The following ATP5F1B variants were observed in gnomAD, a reference collection of about 807,000 sequenced individuals.
ATP5F1B encodes ATP synthase F(1) complex subunit beta, mitochondrial.
Under a neutral mutation model 45.9 loss-of-function variants are expected in ATP5F1B, and 17 were observed. The observed-to-expected ratio is 0.37, with a 90% CI of 0.25 to 0.56. The LOEUF (loss-of-function observed/expected upper bound fraction) is 0.56. ATP5F1B is among the 20% of genes least tolerant of loss of function. The pLI is 0.80. For synonymous variants in ATP5F1B, 218 were observed against 256.5 expected (o/e 0.85, Z 1.43); for missense variants, 387 against 673.2 (o/e 0.57, Z 4.70).
At chr12:56,639,476 G>C in intron 8 of ATP5F1B, 169 bp from the exon 9 acceptor site, 2 of 674,556 alleles carry the variant, frequency 3.0e-6, no homozygotes, top group South Asian at 1.9e-5. Context: ...GGTGCTGTTA[G>C]AAAAATATTG....
chr12:56,638,462 G>A lies in ATP5F1B; in HGVS notation c.1490-39C>T, dbSNP rs377294722. The A allele has an allele frequency of 3.9e-4, 571 of 1,475,740 alleles. 3 individuals carry two copies. In the African/African-American group the frequency reaches 6.4e-3, roughly 16 times the overall value. 91.4% of individuals were successfully genotyped at this position (1,475,740 alleles called of 1,614,324 possible). On this transcript the variant is annotated intron_variant, in intron 9 of 9. Transcript: ENST00000262030. ...GAGAAAAAAAAAAAGAGTAAGAAGC[G>A]GAGGGATATCAACTTTCTGCATCAT...
intron 3 of ATP5F1B, 69 bp from the exon 4 acceptor site, chr12:56,644,027 C>T: frequency 1.3e-6 from 2 of 1,555,946 alleles, no homozygotes; most frequent in Non-Finnish European, 1.7e-6. Flanking sequence ...TTATATATCC[C>T]TCCCTATCAA....
chr12:56,639,182 A>C lies in ATP5F1B; in HGVS notation c.1413T>G (p.Ala471=). The change falls in exon 9 of 10, where the codon GCT becomes GCG. Residue 471 remains alanine, a synonymous_variant. Coordinates refer to ENST00000262030, the MANE Select transcript of ATP5F1B (RefSeq NM_001686.4). ...QRFLSQPFQV[A]EVFTGHMGKL... is the part of the protein sequence containing the mutation. ...TCCCCATATGACCTGTGAAGACCTC[A>C]GCAACCTGGAATGGCTGAGACAAGA... 1 of 1,613,930 alleles carries C rather than the reference A, an allele frequency of 6.2e-7. No homozygotes were observed. Among genetic ancestry groups the C allele is most frequent in the Non-Finnish European group, 8.5e-7 (1 of 1,179,842 alleles).
chr12:56,642,979 G>T, intron 5 of ATP5F1B, 148 bp from the exon 6 acceptor site: 1 of 804,224 alleles, frequency 1.2e-6, no homozygotes, highest in Non-Finnish European at 1.9e-6. Context: ...TATTAGAGAT[G>T]CAGTTCAAAA....
chr12:56,642,360 C>T, intron 7 of ATP5F1B, 98 bp downstream of exon 7: 1 of 1,533,076 alleles, frequency 6.5e-7, no homozygotes, highest in Non-Finnish European at 8.9e-7. Flanking sequence ...CTCTTGGGCT[C>T]AAGCAATCTT....
intron 7 of ATP5F1B, among the ~76,000 whole-genome samples, chr12:56,640,480 G>A (rs1951503832): frequency 6.6e-6 from 1 of 151,940 alleles, no homozygotes; most frequent in Non-Finnish European, 1.5e-5. Context: ...CACCCGCCTT[G>A]GCCTCCCAAA....
intron 1 of ATP5F1B, 118 bp downstream of exon 1, chr12:56,645,719 G>T: frequency 6.6e-7 from 1 of 1,514,282 alleles, no homozygotes; most frequent in Non-Finnish European, 9.0e-7. Flanking sequence ...AGAGCAAGAC[G>T]CGGCTCCAGG....
In ATP5F1B at chr12:56,645,181, G is replaced by A; in HGVS notation, c.300C>T (p.Ala100=). The A allele has an allele frequency of 6.2e-7, 1 of 1,614,024 alleles. No homozygotes were observed. The highest frequency in any genetic ancestry group is 2.2e-5 in the East Asian group (1 of 44,886). The change falls in exon 2 of 10, where the codon GCC becomes GCT. Residue 100 remains alanine, a synonymous_variant. Transcript: ENST00000262030. ...GRETRLVLEV[A]QHLGESTVRT... ...ACAAACTCTACTTACCCAAATGCTG[G>A]GCCACCTCCAAAACCAGTCTGGTCT...
rs1169561253 is a variant in ATP5F1B, at chr12:56,639,258, A to G, written c.1337T>C (p.Leu446Pro). The G allele has an allele frequency of 6.2e-7, 1 of 1,613,988 alleles. No individual in the cohort carries two copies. Among genetic ancestry groups the G allele is most frequent in the Non-Finnish European group, 8.5e-7 (1 of 1,180,056 alleles). Residue 446 changes from leucine to proline, a missense_variant, in exon 9 of 10, where the codon CTT becomes CCT. By Grantham distance (98) the Leu-to-Pro change is moderately conservative (BLOSUM62 -3). This residue lies in a region of ATP5F1B where 154 missense variants were observed against 361.4 expected (regional missense o/e 0.43). Transcript: ENST00000262030. The stretch of plus-strand genomic sequence containing the variant: ...CACGGTCAACTTGTCTTCCTCAGAA[A>G]GTTCATCCATACCCAGGATGGCAAT... ...DIIAILGMDE[L>P]SEEDKLTVSR...
chr12:56,640,244 T>G (rs1448847671), intron 7 of ATP5F1B, 52 bp from the exon 8 acceptor site: 1 of 1,545,024 alleles, frequency 6.5e-7, no homozygotes, highest in Admixed American at 1.9e-5. Context: ...TTTTTTTTTT[T>G]TTTTGAGAGG....
At chr12:56,641,566 G>A (rs1290749258) in intron 7 of ATP5F1B, among the ~76,000 whole-genome samples, 1 of 151,176 alleles carries the variant, frequency 6.6e-6, no homozygotes, top group Non-Finnish European at 1.5e-5. Context: ...TTTGTAGACG[G>A]ATTATCACTC....
chr12:56,639,916 T>C (rs1951499307), intron 8 of ATP5F1B, 64 bp downstream of exon 8: 5 of 1,541,092 alleles, frequency 3.2e-6, no homozygotes, highest in Middle Eastern at 1.8e-4. Context: ...CCAGTCCTCA[T>C]ATAGTCCCCA....
At chr12:56,641,075 A>T (rs549629786) in intron 7 of ATP5F1B, among the ~76,000 whole-genome samples, 4 of 151,558 alleles carry the variant, frequency 2.6e-5, no homozygotes, top group African/African-American at 7.2e-5. Context: ...ATAAAAAAAT[A>T]AAAAAGAGGC....
intron 8 of ATP5F1B, 59 bp downstream of exon 8, chr12:56,639,921 T>TC: frequency 6.4e-7 from 1 of 1,559,016 alleles, no homozygotes; most frequent in Non-Finnish European, 8.8e-7. Context: ...CCTCATATAG[T>TC]CCCCACAGGC....
Position 56,639,101 on chromosome 12 carries a change from C to T in ATP5F1B, c.1489+5G>A, listed in dbSNP as rs1348580462. 8 of 1,613,890 alleles carry T rather than the reference C, an allele frequency of 5.0e-6. No individual in the cohort carries two copies. The highest frequency in any genetic ancestry group is 5.9e-6 in the Non-Finnish European group (7 of 1,179,972). On this transcript the variant is annotated splice_donor_5th_base_variant and intron_variant, in intron 9 of 9. Transcript: ENST00000262030. ...AACATTCAAGATTTGTACTCAAAAT[C>T]TCACCTGCCAAAATCTGCTGGAATC...
chr12:56,641,841 G>C (rs142184898), intron 7 of ATP5F1B, among the ~76,000 whole-genome samples: 20 of 151,472 alleles, frequency 1.3e-4, no homozygotes, highest in African/African-American at 4.8e-4. Context: ...GTGAGCCACC[G>C]TGCCCGGCCC....
At chr12:56,642,162 A>G (rs1176374453) in intron 7 of ATP5F1B, among the ~76,000 whole-genome samples, 3 of 151,710 alleles carry the variant, frequency 2.0e-5, no homozygotes, top group Non-Finnish European at 4.4e-5. Context: ...CGCCCAGCTA[A>G]TTTTTTGTAT....
Position 56,645,158 on chromosome 12 carries a change from A to G in ATP5F1B, c.310+13T>C. On this transcript the variant is annotated intron_variant, in intron 2 of 9. Transcript: ENST00000262030. ...ACACAAGGTCTTTACTATTCCTAAC[A>G]AACTCTACTTACCCAAATGCTGGGC... 1.9e-6 allele frequency: 3 copies of G among 1,614,110 alleles called. No homozygotes were observed. Among genetic ancestry groups the G allele is most frequent in the Non-Finnish European group, 2.5e-6 (3 of 1,179,912 alleles).
At chr12:56,642,090 G>A (rs998960706) in intron 7 of ATP5F1B, among the ~76,000 whole-genome samples, 14 of 151,436 alleles carry the variant, frequency 9.2e-5, no homozygotes, top group Admixed American at 2.6e-4. Flanking sequence ...TCTGCCTCCC[G>A]GATTCAAGCG....
Sources: allele counts gnomAD v4.1 joint callset (sites outside exome capture counted in the v4.1 genomes callset), GRCh38; gene constraint gnomAD v4.1.1; regional missense constraint gnomAD v4.1.1; transcripts MANE v1.5; gene names NCBI Gene and HGNC (gene_info 2026-07-23, HGNC 2026-07-21).